LAMA4: variants seen among roughly 807,000 people sequenced by gnomAD.
LAMA4 encodes the protein laminin subunit alpha-4.
LAMA4 carries 127 observed loss-of-function variants against 207.1 expected under a neutral mutation model. That is an observed-to-expected ratio of 0.61 (90% CI 0.53 to 0.71). LAMA4 has a LOEUF of 0.71. Among genes scored for constraint, LAMA4 ranks in the 30% least tolerant of loss-of-function variants. LAMA4 has a pLI of 0.00. For synonymous variants in LAMA4, 761 were observed against 816.0 expected, an observed-to-expected ratio of 0.93 and a Z score of 1.15; for missense variants, 2,093 against 2,246.5, an observed-to-expected ratio of 0.93 and a Z score of 1.38.
intron 2 of LAMA4, 47 bp downstream of exon 2, chr6:112,253,908 CG>C: frequency 3.7e-6 from 6 of 1,613,222 alleles, no homozygotes; most frequent in Non-Finnish European, 5.1e-6. Flanking sequence ...GCACAGCCCG[CG>C]GGGGCGCAGG....
At chr6:112,253,533 G>A (rs556336988) in intron 2 of LAMA4, 12 of 509,004 alleles carry the variant, frequency 2.4e-5, no homozygotes, top group African/African-American at 2.3e-4. Context: ...GAGACAAAAA[G>A]ATCCTGCAGT....
chr6:112,230,910 T>C (rs962086678), intron 2 of LAMA4, among the ~76,000 whole-genome samples: 1 of 152,234 alleles, frequency 6.6e-6, no homozygotes, highest in Non-Finnish European at 1.5e-5. Flanking sequence ...AACTGAGGCC[T>C]AGCGAAGAAG....
At chr6:112,178,322 T>C in intron 9 of LAMA4, 90 bp from the exon 10 acceptor site, 1 of 873,462 alleles carries the variant, frequency 1.1e-6, no homozygotes, top group Non-Finnish European at 1.9e-6. Context: ...ATAATGTATT[T>C]CCTAAACGTA....
chr6:112,205,402 G>GA (rs782820190), intron 4 of LAMA4, among the ~76,000 whole-genome samples: 11 of 152,132 alleles, frequency 7.2e-5, no homozygotes, highest in Non-Finnish European at 1.2e-4. Flanking sequence ...GCTGGTAAAT[G>GA]AATCAAGGAG....
rs863223689 is a variant in LAMA4, at chr6:112,129,059, C to T, written c.4150G>A (p.Glu1384Lys). 6.2e-7 allele frequency: 1 copy of T among 1,611,986 alleles called. No homozygotes were observed. The highest frequency in any genetic ancestry group is 8.5e-7 in the Non-Finnish European group (1 of 1,178,244). Reference protein sequence around the residue: ...AYFTRVDRDVEVEDFQRYTEK... With the variant: ...AYFTRVDRDVKVEDFQRYTEK... ...GTATACCGTTGGAAATCTTCAACCT[C>T]CACATCTCTATCCACCCTGTGTTTG... The change falls in exon 31 of 39, where the codon GAG (glutamate) becomes AAG (lysine). Residue 1384 changes from glutamate (E) to lysine (K), a missense_variant. Around this residue, in one of 3 missense-constraint regions of LAMA4, gnomAD observed 1,704 missense variants for 1,788.4 expected, o/e 0.95. Transcript: ENST00000230538.
chr6:112,138,561 T>C (rs1219889204), intron 24 of LAMA4, among the ~76,000 whole-genome samples: 7 of 152,110 alleles, frequency 4.6e-5, no homozygotes, highest in African/African-American at 1.7e-4. Flanking sequence ...CATTTCTGTA[T>C]CATTAATAAA....
intron 18 of LAMA4, among the ~76,000 whole-genome samples, chr6:112,145,831 A>G (rs534286728): frequency 6.6e-6 from 1 of 152,216 alleles, no homozygotes; most frequent in Non-Finnish European, 1.5e-5. Flanking sequence ...CACGGTATAT[A>G]TACAAATGTT....
intron 14 of LAMA4, chr6:112,157,898 C>A (rs1554337381): frequency 6.6e-6 from 1 of 152,166 alleles, no homozygotes; most frequent in Non-Finnish European, 1.5e-5. Context: ...CTCTCTCTTT[C>A]TTTTCTTCTC....
At chr6:112,152,708 TC>T (rs374450757) in intron 16 of LAMA4, among the ~76,000 whole-genome samples, 1 of 151,898 alleles carries the variant, frequency 6.6e-6, no homozygotes, top group African/African-American at 2.4e-5. Context: ...ATGTTATCTT[TC>T]CCCCCCAGAT....
chr6:112,189,796 T>C (rs1782911503), intron 6 of LAMA4, among the ~76,000 whole-genome samples: 1 of 152,198 alleles, frequency 6.6e-6, no homozygotes. Context: ...GGAACATTTT[T>C]ACATGAATTT....
At chr6:112,157,770 A>T (rs1437193894) in intron 14 of LAMA4, 2 of 152,208 alleles carry the variant, frequency 1.3e-5, no homozygotes, top group Admixed American at 6.5e-5. Context: ...TTATCAAAAT[A>T]GTGTTTTTTC....
chr6:112,133,290 G>C, intron 27 of LAMA4, 59 bp downstream of exon 27: 1 of 1,586,670 alleles, frequency 6.3e-7, no homozygotes, highest in South Asian at 1.1e-5. Flanking sequence ...AACTTTTCCA[G>C]CTTTTGAGAG....
chr6:112,202,321 A>G (rs1460574342), intron 4 of LAMA4, among the ~76,000 whole-genome samples: 1 of 152,152 alleles, frequency 6.6e-6, no homozygotes, highest in African/African-American at 2.4e-5. Flanking sequence ...CAAAAAAGTA[A>G]TAAAAATATT....
intron 2 of LAMA4, among the ~76,000 whole-genome samples, chr6:112,222,556 C>T (rs531314509): frequency 5.3e-4 from 81 of 152,268 alleles, no homozygotes; most frequent in Admixed American, 5.0e-3. Flanking sequence ...GAGCACAGAG[C>T]CATCCTAACC....
At chr6:112,119,406 G>C in intron 33 of LAMA4, 95 bp from the exon 34 acceptor site, 1 of 1,324,538 alleles carries the variant, frequency 7.5e-7, no homozygotes, top group South Asian at 1.2e-5. Flanking sequence ...CTATTGCAAT[G>C]CTGTGGGAAA....
At chr6:112,145,932 T>C (rs1779999792) in intron 18 of LAMA4, among the ~76,000 whole-genome samples, 1 of 152,114 alleles carries the variant, frequency 6.6e-6, no homozygotes, top group South Asian at 2.1e-4. Context: ...GGTAGGAAGA[T>C]TGTTTTCCAC....
At chr6:112,130,917 C>T in intron 29 of LAMA4, 51 bp downstream of exon 29, 1 of 1,592,800 alleles carries the variant, frequency 6.3e-7, no homozygotes, top group Non-Finnish European at 8.6e-7. Flanking sequence ...TTGACATAAT[C>T]ATGTCCCACA....
intron 31 of LAMA4, among the ~76,000 whole-genome samples, chr6:112,125,549 C>T (rs782445988): frequency 1.3e-5 from 2 of 152,104 alleles, no homozygotes; most frequent in African/African-American, 2.4e-5. Flanking sequence ...GAAACTTTTC[C>T]CAGTTAAACT....
chr6:112,232,323 A>G (rs78094959), intron 2 of LAMA4, among the ~76,000 whole-genome samples: 1,593 of 152,308 alleles, frequency 0.01, 32 homozygotes, highest in African/African-American at 0.037. Flanking sequence ...ACAGTATCAC[A>G]AACCATTCAT....
Sources: gnomAD v4.1 joint callset for allele counts (sites outside exome capture counted in the v4.1 genomes callset) on GRCh38, gnomAD v4.1.1 for gene constraint, gnomAD v4.1.1 regional missense constraint, MANE v1.5 for transcripts, NCBI Gene and HGNC (gene_info 2026-07-23, HGNC 2026-07-21) for gene names.